The following GRID2 variants were observed in gnomAD, a reference collection of about 807,000 sequenced individuals.
GRID2 encodes the protein glutamate receptor ionotropic, delta-2.
A neutral mutation model predicts 114.8 loss-of-function variants in GRID2; 33 were observed. That is an observed-to-expected ratio of 0.29 (90% CI 0.22 to 0.38). The LOEUF is 0.38. Among genes scored for constraint, GRID2 ranks in the 10% least tolerant of loss-of-function variants. GRID2 has a pLI of 1.00. For synonymous variants in GRID2, 505 were observed against 449.9 expected (o/e 1.12, Z -1.55); for missense variants, 1,184 against 1,257.7 (o/e 0.94, Z 0.89).
rs572433014 is a variant in GRID2 at position 92,865,494 on chromosome 4, G to A, written c.245-219501G>A. 2.0e-5 allele frequency among the ~76,000 whole-genome samples: 3 copies of A among 152,176 alleles called. No individual in the cohort carries two copies. The East Asian group carries it at 5.8e-4, about 29-fold the overall frequency. Reference sequence around the variant, plus strand: ...GTATTCTTCTGCCAGTTGTCAACAAGCACCTTTGTCTATAACTTGCCTAAT... The same window carrying A: ...GTATTCTTCTGCCAGTTGTCAACAAACACCTTTGTCTATAACTTGCCTAAT... On this transcript the variant is annotated intron_variant, in intron 2 of 15. Transcript: ENST00000282020.
intron 2 of GRID2, among the ~76,000 whole-genome samples, chr4:92,926,173 T>C (rs945677474): frequency 2.6e-5 from 4 of 151,968 alleles, no homozygotes; most frequent in Admixed American, 2.0e-4. Flanking sequence ...GGTATTTTGG[T>C]CCAAGTAAAT....
intron 15 of GRID2, among the ~76,000 whole-genome samples, 159 bp downstream of exon 15, chr4:93,769,609 C>T (rs540041515): frequency 6.6e-6 from 1 of 152,200 alleles, no homozygotes; most frequent in East Asian, 1.9e-4. Context: ...TTGGTAAGAT[C>T]AATATCAATT....
chr4:92,671,200 A>G (rs1303420144), intron 2 of GRID2, among the ~76,000 whole-genome samples: 1 of 152,040 alleles, frequency 6.6e-6, no homozygotes, highest in Non-Finnish European at 1.5e-5. Flanking sequence ...CAGACAGGAG[A>G]GAAAGAGCTA....
intron 14 of GRID2, among the ~76,000 whole-genome samples, chr4:93,732,591 A>G (rs1055785087): frequency 5.3e-5 from 8 of 152,016 alleles, no homozygotes; most frequent in African/African-American, 1.9e-4. Context: ...ATTTTTTTTA[A>G]TGTTATAACT....
intron 2 of GRID2, among the ~76,000 whole-genome samples, chr4:92,892,863 TTTTA>T (rs1282136040): frequency 2.0e-5 from 3 of 152,204 alleles, no homozygotes; most frequent in Non-Finnish European, 4.4e-5. Context: ...TTAAAATTAA[TTTTA>T]TTTGTTAAAG....
intron 2 of GRID2, among the ~76,000 whole-genome samples, chr4:92,591,654 G>T (rs1001037447): frequency 2.6e-5 from 4 of 152,132 alleles, no homozygotes; most frequent in Non-Finnish European, 4.4e-5. Flanking sequence ...TGCTTGATGC[G>T]CAGGTAACAT....
intron 2 of GRID2, among the ~76,000 whole-genome samples, chr4:92,801,464 TA>T (rs1457278285): frequency 1.3e-5 from 2 of 151,980 alleles, no homozygotes; most frequent in Admixed American, 6.6e-5. Flanking sequence ...GTAAACATTG[TA>T]AACACTGCAG....
chr4:92,425,828 C>G (rs879934726), intron 1 of GRID2, among the ~76,000 whole-genome samples: 5 of 152,086 alleles, frequency 3.3e-5, no homozygotes, highest in Non-Finnish European at 7.4e-5. Flanking sequence ...TGCCAACTAA[C>G]TTACAAGGTG....
At chr4:93,677,412 C>T (rs1725000885) in intron 14 of GRID2, among the ~76,000 whole-genome samples, 1 of 152,170 alleles carries the variant, frequency 6.6e-6, no homozygotes, top group Non-Finnish European at 1.5e-5. Flanking sequence ...TATCTGACAG[C>T]TTTGAAGAGA....
chr4:92,891,814 A>G (rs1560674473), intron 2 of GRID2, among the ~76,000 whole-genome samples: 1 of 152,182 alleles, frequency 6.6e-6, no homozygotes, highest in Non-Finnish European at 1.5e-5. Context: ...ACTTGCACAT[A>G]TAATGATTTT....
chr4:92,547,251 T>C (rs1169744801), intron 1 of GRID2, among the ~76,000 whole-genome samples: 1 of 152,198 alleles, frequency 6.6e-6, no homozygotes, highest in Non-Finnish European at 1.5e-5. Flanking sequence ...TATACACATG[T>C]ATAACATTTA....
chr4:93,266,326 G>C (rs1432101119), intron 8 of GRID2, among the ~76,000 whole-genome samples: 2 of 152,094 alleles, frequency 1.3e-5, no homozygotes, highest in African/African-American at 4.8e-5. Flanking sequence ...AATGTAGTCT[G>C]TAACACTGTT....
intron 1 of GRID2, among the ~76,000 whole-genome samples, chr4:92,478,902 C>T (rs4285958): frequency 0.062 from 9,487 of 152,034 alleles, 420 homozygotes; most frequent in Non-Finnish European, 0.093. Context: ...CAATTCTTTG[C>T]GGGGGTAAAA....
intron 1 of GRID2, among the ~76,000 whole-genome samples, chr4:92,330,026 A>AGAGAGAGAGAGAGAG (rs1553924493): frequency 1.9e-4 from 28 of 150,544 alleles, no homozygotes; most frequent in South Asian, 8.4e-4. Context: ...AGAGAGAGAG[A>AGAGAGAGAGAGAGAG]AACATGCTAG....
chr4:93,793,779 G>A (rs527647372), intron 1 of GRID2, among the ~76,000 whole-genome samples: 1 of 152,254 alleles, frequency 6.6e-6, no homozygotes, highest in African/African-American at 2.4e-5. Flanking sequence ...AGCTTCAGAA[G>A]CACCAAGGAC....
Position 93,146,606 on chromosome 4 carries a change from GGAGAGA to G in GRID2, c.735+35664_735+35669del, listed in dbSNP as rs374663929. 4.1e-3 allele frequency among the ~76,000 whole-genome samples: 621 copies of G among 151,036 alleles called. 7 individuals carry two copies. The highest frequency in any genetic ancestry group is 0.015 in the African/African-American group (600 of 41,224). ...CACTTGCATGTGAAGAGAGAAAGGA[GGAGAGA>G]GAGAGAGAGAAAGAGAGAAAGAAAG... is the stretch of plus-strand genomic sequence containing the variant. On this transcript the variant is annotated intron_variant, in intron 4 of 15. Coordinates refer to ENST00000282020, the MANE Select transcript of GRID2 (RefSeq NM_001510.4).
intron 2 of GRID2, among the ~76,000 whole-genome samples, chr4:93,016,541 T>G (rs1290052777): frequency 6.6e-6 from 1 of 152,166 alleles, no homozygotes; most frequent in Non-Finnish European, 1.5e-5. Flanking sequence ...ACTGCCTCTC[T>G]GCCCATCCCC....
intron 2 of GRID2, among the ~76,000 whole-genome samples, chr4:93,003,011 T>G (rs190185833): frequency 6.6e-6 from 1 of 152,016 alleles, no homozygotes; most frequent in Admixed American, 6.6e-5. Context: ...TGCCTCTCTC[T>G]TATTAGAACA....
intron 4 of GRID2, among the ~76,000 whole-genome samples, chr4:93,143,697 A>G (rs1237107671): frequency 6.6e-6 from 1 of 152,184 alleles, no homozygotes; most frequent in Non-Finnish European, 1.5e-5. Context: ...CTAAATTTTC[A>G]TTTATTTAAG....
Sources: allele counts gnomAD v4.1 joint callset (sites outside exome capture counted in the v4.1 genomes callset), GRCh38; gene constraint gnomAD v4.1.1; transcripts MANE v1.5; gene names NCBI Gene and HGNC (gene_info 2026-07-23, HGNC 2026-07-21).